The following UBE2E2 variants were observed in gnomAD, a reference collection of about 807,000 sequenced individuals.
The protein encoded by UBE2E2 is ubiquitin conjugating enzyme E2 E2.
A neutral mutation model predicts 24.7 loss-of-function variants in UBE2E2; 6 were observed. The observed-to-expected ratio is 0.24, with a 90% CI of 0.13 to 0.48. UBE2E2 has a LOEUF of 0.48. Among genes scored for constraint, UBE2E2 ranks in the 20% least tolerant of loss-of-function variants. The pLI is 0.99. For missense variants in UBE2E2, 169 were observed against 245.0 expected, an observed-to-expected ratio of 0.69 and a Z score of 2.07; for synonymous variants, 104 against 83.6, an observed-to-expected ratio of 1.24 and a Z score of -1.33.
intron 3 of UBE2E2, among the ~76,000 whole-genome samples, chr3:23,423,917 C>T (rs931125241): frequency 6.6e-6 from 1 of 152,170 alleles, no homozygotes; most frequent in Admixed American, 6.5e-5. Flanking sequence ...CTCCTTCACA[C>T]CCTCCTTCAA....
At position 23,358,613 on chromosome 3, in the gene UBE2E2, A is replaced by G. The variant is rs555254821; in HGVS notation, c.228-140995A>G. On this transcript the variant is annotated intron_variant, in intron 3 of 5. Coordinates refer to ENST00000396703, the MANE Select transcript of UBE2E2 (RefSeq NM_152653.4). ...AATTAAATTCATATACTGGTCTACA[A>G]TTATAAATTACAAATAATTTATTAT... Among the ~76,000 whole-genome samples the G allele has an allele frequency of 4.6e-5, 7 of 152,358 alleles. No homozygotes were observed. In the East Asian group the frequency reaches 5.8e-4, roughly 13 times the overall value.
intron 3 of UBE2E2, among the ~76,000 whole-genome samples, chr3:23,409,167 C>G (rs1697440133): frequency 6.6e-6 from 1 of 152,058 alleles, no homozygotes; most frequent in Non-Finnish European, 1.5e-5. Context: ...CTGCCATGTG[C>G]CTTGGGATGA....
chr3:23,205,513 T>G (rs1696123770), intron 1 of UBE2E2, among the ~76,000 whole-genome samples: 1 of 152,170 alleles, frequency 6.6e-6, no homozygotes, highest in Non-Finnish European at 1.5e-5. Context: ...GGTACAATAA[T>G]TTTTTTCTAT....
intron 4 of UBE2E2, among the ~76,000 whole-genome samples, chr3:23,510,562 A>C (rs966619052): frequency 6.6e-6 from 1 of 152,074 alleles, no homozygotes; most frequent in African/African-American, 2.4e-5. Context: ...AATTGAAATC[A>C]TGCCACTGCA....
intron 3 of UBE2E2, among the ~76,000 whole-genome samples, chr3:23,296,589 G>C (rs1427049632): frequency 6.6e-6 from 1 of 152,094 alleles, no homozygotes; most frequent in African/African-American, 2.4e-5. Flanking sequence ...ATAGTTTGCT[G>C]AGAATTACGG....
At position 23,208,674 on chromosome 3, in the gene UBE2E2, T is replaced by G. The variant is rs759705359; in HGVS notation, c.-8-18T>G. ...CTGTAGTACAGCTAAATAAATGATT[T>G]TTGATTCTTTAATCCAGGATCTAAA... On this transcript the variant is annotated intron_variant, in intron 1 of 5. Coordinates refer to ENST00000396703, the MANE Select transcript of UBE2E2 (RefSeq NM_152653.4). The G allele has an allele frequency of 5.1e-6, 8 of 1,580,666 alleles. No individual in the cohort carries two copies. The highest frequency in any genetic ancestry group is 6.9e-6 in the Non-Finnish European group (8 of 1,164,036).
At chr3:23,485,427 A>G (rs1316878846) in intron 3 of UBE2E2, among the ~76,000 whole-genome samples, 4 of 152,180 alleles carry the variant, frequency 2.6e-5, no homozygotes, top group South Asian at 4.2e-4. Flanking sequence ...CAATCAATCA[A>G]TATCTTTTAT....
chr3:23,366,594 C>A (rs1696262293), intron 3 of UBE2E2, among the ~76,000 whole-genome samples: 2 of 152,060 alleles, frequency 1.3e-5, no homozygotes, highest in South Asian at 2.1e-4. Flanking sequence ...AATAAGGGTA[C>A]AACAGACACC....
chr3:23,355,738 A>G (rs1291240618), intron 3 of UBE2E2, among the ~76,000 whole-genome samples: 2 of 152,212 alleles, frequency 1.3e-5, no homozygotes, highest in Admixed American at 6.5e-5. Flanking sequence ...TCTGATCTAT[A>G]AAACCTGTAT....
At chr3:23,258,606 A>T (rs184290564) in intron 3 of UBE2E2, among the ~76,000 whole-genome samples, 2 of 152,272 alleles carry the variant, frequency 1.3e-5, no homozygotes, top group East Asian at 3.9e-4. Context: ...TATAAAAATG[A>T]ATCTAGGTCG....
At chr3:23,484,391 A>G (rs1176839215) in intron 3 of UBE2E2, among the ~76,000 whole-genome samples, 2 of 152,132 alleles carry the variant, frequency 1.3e-5, no homozygotes, top group African/African-American at 2.4e-5. Flanking sequence ...GAAATGAAAC[A>G]TGGTACTACT....
At chr3:23,480,498 C>T (rs1214457689) in intron 3 of UBE2E2, among the ~76,000 whole-genome samples, 1 of 152,178 alleles carries the variant, frequency 6.6e-6, no homozygotes, top group Admixed American at 6.5e-5. Context: ...GGGCTCCCGC[C>T]TGATCCCAGC....
At chr3:23,360,965 G>T (rs902320935) in intron 3 of UBE2E2, among the ~76,000 whole-genome samples, 4 of 145,936 alleles carry the variant, frequency 2.7e-5, no homozygotes, top group African/African-American at 7.7e-5. Flanking sequence ...GAATCCACAA[G>T]GAATGCAAAC....
intron 3 of UBE2E2, among the ~76,000 whole-genome samples, chr3:23,429,130 C>T (rs546348329): frequency 4.6e-5 from 7 of 152,036 alleles, no homozygotes; most frequent in Middle Eastern, 3.4e-3. Context: ...TATATTAAAG[C>T]GGTTGAATCA....
intron 2 of UBE2E2, among the ~76,000 whole-genome samples, chr3:23,214,573 T>G (rs1412896815): frequency 1.3e-5 from 2 of 151,816 alleles, no homozygotes; most frequent in African/African-American, 4.9e-5. Context: ...TATGAGTTTT[T>G]TTTTTGTTTT....
At chr3:23,499,933 T>A (rs1699684534) in intron 4 of UBE2E2, among the ~76,000 whole-genome samples, 193 bp downstream of exon 4, 1 of 152,172 alleles carries the variant, frequency 6.6e-6, no homozygotes, top group Admixed American at 6.5e-5. Context: ...TTTTTACTGA[T>A]TTCATTGTTT....
At chr3:23,366,535 A>G (rs142708636) in intron 3 of UBE2E2, among the ~76,000 whole-genome samples, 33 of 152,304 alleles carry the variant, frequency 2.2e-4, no homozygotes, top group Admixed American at 4.6e-4. Flanking sequence ...ATGATGCCCC[A>G]TGTTCTCTCT....
Position 23,532,534 on chromosome 3 carries a change from A to G in UBE2E2, c.361-20A>G. The G allele has an allele frequency of 6.7e-7, 1 of 1,497,006 alleles. No individual in the cohort carries two copies. The highest frequency in any genetic ancestry group is 2.3e-5 in the East Asian group (1 of 43,458). The allele number at this position is 1,497,006 out of a possible 1,614,324, so 92.7% of individuals were successfully genotyped here. The stretch of plus-strand genomic sequence containing the variant: ...ATAAACACTTTGTCTAACAAAATAT[A>G]ACTTTACATTTTCTTGTAGGTTACC... On this transcript the variant is annotated intron_variant, in intron 4 of 5. Coordinates refer to ENST00000396703, the MANE Select transcript of UBE2E2 (RefSeq NM_152653.4).
intron 3 of UBE2E2, among the ~76,000 whole-genome samples, chr3:23,484,648 C>G (rs1221293451): frequency 6.6e-6 from 1 of 152,024 alleles, no homozygotes; most frequent in Non-Finnish European, 1.5e-5. Flanking sequence ...GAAGAAATAC[C>G]CAAGACTGGG....
Sources: gnomAD v4.1 joint callset for allele counts (sites outside exome capture counted in the v4.1 genomes callset) on GRCh38, gnomAD v4.1.1 for gene constraint, MANE v1.5 for transcripts, NCBI Gene and HGNC (gene_info 2026-07-23, HGNC 2026-07-21) for gene names.